Variants in CORO2B observed in about 807,000 individuals in gnomAD.
CORO2B encodes the protein coronin-2B.
CORO2B carries 26 observed loss-of-function variants against 58.8 expected under a neutral mutation model. That is an observed-to-expected ratio of 0.44 (90% CI 0.32 to 0.61). The LOEUF is 0.61. Ranked by LOEUF, CORO2B falls within the 20% of genes least tolerant of loss-of-function variation. CORO2B has a pLI of 0.04. For synonymous variants in CORO2B, 242 were observed against 253.8 expected (o/e 0.95, Z 0.44); for missense variants, 460 against 645.1 (o/e 0.71, Z 3.11).
rs368967612 is a variant in CORO2B at position 68,702,068 on chromosome 15, G to A, written c.333+6812G>A. 9.9e-5 allele frequency among the ~76,000 whole-genome samples: 15 copies of A among 152,026 alleles called. 1 individual carries two copies. The Middle Eastern group carries it at 9.5e-3, about 96-fold the overall frequency. ...GACCAGCCTGGCCAACATGATAAGC[G>A]GAAGGACAGATCATGTCCTCCTCAG... is the stretch of plus-strand genomic sequence containing the variant. On this transcript the variant is annotated intron_variant, in intron 3 of 11. Transcript: ENST00000261861.
intron 1 of CORO2B, among the ~76,000 whole-genome samples, chr15:68,642,035 C>CTTTT (rs33965107): frequency 0.018 from 2,114 of 115,870 alleles, 77 homozygotes; most frequent in Non-Finnish European, 0.028. Flanking sequence ...GGCCTAGCCT[C>CTTTT]TTTTTTTTTT....
intron 3 of CORO2B, among the ~76,000 whole-genome samples, chr15:68,707,442 A>G (rs940823343): frequency 1.3e-5 from 2 of 152,344 alleles, no homozygotes; most frequent in East Asian, 3.9e-4. Context: ...CATGTTTGTC[A>G]TAGAATAAAT....
intron 2 of CORO2B, among the ~76,000 whole-genome samples, chr15:68,659,410 G>A (rs1001671305): frequency 4.6e-5 from 7 of 152,168 alleles, no homozygotes; most frequent in South Asian, 2.1e-4. Flanking sequence ...GTCAGCTAGA[G>A]AAAATGTTAT....
chr15:68,541,985 C>T, the CORO2B span, among the ~76,000 whole-genome samples: 1 of 152,160 alleles, frequency 6.6e-6, no homozygotes, highest in Non-Finnish European at 1.5e-5. Context: ...CTCCCTGCAC[C>T]GTGGCCTGGA....
intron 2 of CORO2B, among the ~76,000 whole-genome samples, chr15:68,689,680 A>G (rs1892307295): frequency 1.3e-5 from 2 of 152,246 alleles, no homozygotes; most frequent in Non-Finnish European, 2.9e-5. Context: ...GTACAGAAAC[A>G]GTAACTTGTA....
At chr15:68,598,822 G>T (rs1471990901) in intron 1 of CORO2B, among the ~76,000 whole-genome samples, 1 of 152,218 alleles carries the variant, frequency 6.6e-6, no homozygotes, top group Non-Finnish European at 1.5e-5. Flanking sequence ...GTTCTGTCCA[G>T]ACTCTCCTGA....
the CORO2B span, among the ~76,000 whole-genome samples, chr15:68,573,951 G>A: frequency 0.29 from 44,077 of 152,000 alleles, 7,062 homozygotes; most frequent in African/African-American, 0.44. Flanking sequence ...ACTGAAGAAG[G>A]GTCAGCTAGG....
At chr15:68,688,472 T>C (rs1019774867) in intron 2 of CORO2B, among the ~76,000 whole-genome samples, 2 of 152,140 alleles carry the variant, frequency 1.3e-5, no homozygotes, top group African/African-American at 4.8e-5. Flanking sequence ...GATTTTCAGA[T>C]CTGGGATGCT....
chr15:68,579,153 C>T lies in CORO2B; in HGVS notation c.-110C>T. ...AGGCTCGGCCGAGCCGCCGGCGGGGCGCGGGGAGCGAGCCGGGAGCTGCCG... is the reference window on the plus strand; with the variant it reads ...AGGCTCGGCCGAGCCGCCGGCGGGGTGCGGGGAGCGAGCCGGGAGCTGCCG... On this transcript the variant is annotated 5_prime_UTR_variant, in exon 1 of 12. Transcript: ENST00000261861. 1 of 981,148 alleles carries T rather than the reference C, an allele frequency of 1.0e-6. No homozygotes were observed. Among genetic ancestry groups the T allele is most frequent in the Admixed American group, 6.3e-5 (1 of 15,828 alleles). The allele number at this position is 981,148 out of a possible 1,614,324, so 60.8% of individuals were successfully genotyped here.
In CORO2B at chr15:68,713,987, C is replaced by T. The variant is rs750542270; in HGVS notation, c.711C>T (p.Leu237=). The part of the protein sequence containing the change: ...RVVFLGNMKR[L]LTTGVSRWNT... ...TGTTCCTGGGGAACATGAAGCGGCT[C>T]CTCACGACAGGGGTCTCCAGGTGGA... Residue 237 remains leucine (L), a synonymous_variant, in exon 6 of 12, where the codon CTC becomes CTT. Coordinates refer to ENST00000261861, the MANE Select transcript of CORO2B (RefSeq NM_006091.5). 1.2e-6 allele frequency: 2 copies of T among 1,614,112 alleles called. No homozygotes were observed. The highest frequency in any genetic ancestry group is 2.2e-5 in the South Asian group (2 of 91,086).
chr15:68,561,865 G>A, the CORO2B span, among the ~76,000 whole-genome samples: 2 of 152,162 alleles, frequency 1.3e-5, no homozygotes, highest in African/African-American at 4.8e-5. Flanking sequence ...GTTGTGCATG[G>A]GAATGTCAAT....
intron 1 of CORO2B, among the ~76,000 whole-genome samples, chr15:68,596,996 C>T (rs1282567472): frequency 6.6e-6 from 1 of 152,120 alleles, no homozygotes; most frequent in Non-Finnish European, 1.5e-5. Flanking sequence ...CAGGGCTCCG[C>T]AGAAGTCCTC....
intron 1 of CORO2B, among the ~76,000 whole-genome samples, chr15:68,619,285 C>T (rs1333166356): frequency 1.3e-5 from 2 of 152,176 alleles, no homozygotes; most frequent in Admixed American, 6.5e-5. Flanking sequence ...CCTCACTTTC[C>T]TTTAGCCTGA....
chr15:68,531,657 GA>G, the CORO2B span, among the ~76,000 whole-genome samples: 1 of 149,914 alleles, frequency 6.7e-6, no homozygotes, highest in East Asian at 2.0e-4. Context: ...AAGAAAGAGG[GA>G]AACTCTATCT....
At chr15:68,547,699 T>C in the CORO2B span, among the ~76,000 whole-genome samples, 2 of 152,176 alleles carry the variant, frequency 1.3e-5, no homozygotes, top group Non-Finnish European at 2.9e-5. Context: ...ATCTCCTTCC[T>C]ATAGCCCTCC....
chr15:68,603,106 A>G (rs1900024054), intron 1 of CORO2B, among the ~76,000 whole-genome samples: 1 of 152,156 alleles, frequency 6.6e-6, no homozygotes, highest in Non-Finnish European at 1.5e-5. Flanking sequence ...GCCTGGGGTG[A>G]GAGAGTAAGA....
the CORO2B span, among the ~76,000 whole-genome samples, chr15:68,550,690 C>G: frequency 2.6e-5 from 4 of 152,200 alleles, no homozygotes; most frequent in East Asian, 1.9e-4. Flanking sequence ...GCAGGTGGTG[C>G]TGTCTCAGAA....
chr15:68,621,767 C>CTT (rs34809209), intron 1 of CORO2B, among the ~76,000 whole-genome samples: 107 of 136,342 alleles, frequency 7.8e-4, no homozygotes, highest in South Asian at 2.6e-3. Flanking sequence ...AGTTTCACTT[C>CTT]TTTTTTTTTT....
intron 1 of CORO2B, among the ~76,000 whole-genome samples, chr15:68,589,181 G>A (rs1217496496): frequency 6.6e-6 from 1 of 152,168 alleles, no homozygotes; most frequent in Admixed American, 6.5e-5. Flanking sequence ...AGTTCCTGTA[G>A]CATGTGATCC....
Sources: allele counts gnomAD v4.1 joint callset (sites outside exome capture counted in the v4.1 genomes callset), GRCh38; gene constraint gnomAD v4.1.1; transcripts MANE v1.5; gene names NCBI Gene and HGNC (gene_info 2026-07-23, HGNC 2026-07-21).